The following RSL1D1 variants were observed in gnomAD, a reference collection of about 807,000 sequenced individuals.
RSL1D1 encodes the protein ribosomal L1 domain containing 1.
In RSL1D1, 34 loss-of-function variants were observed where a neutral mutation model predicts 44.6. The ratio of observed to expected loss-of-function variants is 0.76; its 90% CI spans 0.58 to 1.02. RSL1D1 has a LOEUF of 1.02. Ranked by LOEUF, RSL1D1 falls within the 50% of genes least tolerant of loss-of-function variation. The pLI is 0.00. For synonymous variants in RSL1D1, 271 were observed against 207.4 expected (o/e 1.31, Z -2.63); for missense variants, 767 against 568.1 (o/e 1.35, Z -3.56).
At position 11,837,916 on chromosome 16, in the gene RSL1D1, T is replaced by C; in HGVS notation, c.1344A>G (p.Lys448=). The C allele has an allele frequency of 1.2e-6, 2 of 1,614,088 alleles. No individual in the cohort carries two copies. Among genetic ancestry groups the C allele is most frequent in the Non-Finnish European group, 1.7e-6 (2 of 1,180,030 alleles). ...AVKEKSPSLG[K]KDARQTPKKP... is the part of the protein sequence containing the mutation. Reference sequence around the variant, plus strand: ...TTTTTGGAGTCTGTCTCGCATCTTTTTTCCCCAGCGAAGGACTTTTTTCCT... The same window carrying C: ...TTTTTGGAGTCTGTCTCGCATCTTTCTTCCCCAGCGAAGGACTTTTTTCCT... Residue 448 remains lysine, a synonymous_variant, in exon 9 of 9, where the codon AAA becomes AAG. Coordinates refer to ENST00000571133, the MANE Select transcript of RSL1D1 (RefSeq NM_015659.3).
At position 11,837,279 on chromosome 16, in the gene RSL1D1, A is replaced by G. The variant is rs1397478974; in HGVS notation, c.*508T>C. On this transcript the variant is annotated 3_prime_UTR_variant, in exon 9 of 9. Coordinates refer to ENST00000571133, the MANE Select transcript of RSL1D1 (RefSeq NM_015659.3). The stretch of plus-strand genomic sequence containing the variant: ...AGAGAAGCACTCTATTTTTCCCTCT[A>G]TTACATTAGCAAATACACAGAAGGA... The G allele has an allele frequency of 6.5e-6, 1 of 153,378 alleles. No homozygotes were observed. The highest frequency in any genetic ancestry group is 1.5e-5 in the Non-Finnish European group (1 of 68,350). 9.5% of individuals were successfully genotyped at this position (153,378 alleles called of 1,614,324 possible). A position where few individuals can be genotyped will look rare whatever the true frequency, so the allele number is the denominator to read the frequency against.
Position 11,836,363 on chromosome 16 carries a change from C to CCCACATTATCTTTGAAAGCAGTTGAGT in RSL1D1, c.*1397_*1423dup, listed in dbSNP as rs2053718559. 2.0e-5 allele frequency: 3 copies of CCCACATTATCTTTGAAAGCAGTTGAGT among 152,198 alleles called. No homozygotes were observed. The highest frequency in any genetic ancestry group is 4.4e-5 in the Non-Finnish European group (3 of 68,046). 9.4% of individuals were successfully genotyped at this position (152,198 alleles called of 1,614,324 possible). ...CAGATGTAAGCCACTGCATCTAGCA[C>CCCACATTATCTTTGAAAGCAGTTGAGT]CCACATTATCTTTGAAAGCAGTTGA... On this transcript the variant is annotated 3_prime_UTR_variant, in exon 9 of 9. Transcript: ENST00000571133.
At position 11,835,233 on chromosome 16, in the gene RSL1D1, G is replaced by A. The variant is rs1334960314; in HGVS notation, c.*2554C>T. On this transcript the variant is annotated 3_prime_UTR_variant, in exon 9 of 9. Transcript: ENST00000571133. ...GTTTTGCTCTGCCGCCCAGGCTGGA[G>A]TGCAGTGGTGTGATCTCAGCTCACT... The A allele has an allele frequency of 6.6e-6, 1 of 152,088 alleles. No individual in the cohort carries two copies. Among genetic ancestry groups the A allele is most frequent in the Non-Finnish European group, 1.5e-5 (1 of 68,110 alleles). 9.4% of individuals were successfully genotyped at this position (152,088 alleles called of 1,614,324 possible).
intron 5 of RSL1D1, among the ~76,000 whole-genome samples, chr16:11,845,705 T>C (rs970246367): frequency 4.0e-5 from 6 of 151,798 alleles, no homozygotes; most frequent in Non-Finnish European, 8.8e-5. Context: ...CAGACAACAT[T>C]GTTCTAGAGA....
chr16:11,839,588 T>A lies in RSL1D1; in HGVS notation c.1146+107A>T, dbSNP rs567430933. ...ATATGATAACCACCTTCACAGTTCT[T>A]TGGGTTCACTCTAGTATTTTTCATC... On this transcript the variant is annotated intron_variant, in intron 8 of 8. Transcript: ENST00000571133. 30 of 1,473,398 alleles carry A rather than the reference T, an allele frequency of 2.0e-5. No homozygotes were observed. The African/African-American group carries it at 4.1e-4, about 20-fold the overall frequency. 91.3% of individuals were successfully genotyped at this position (1,473,398 alleles called of 1,614,324 possible). A position where few individuals can be genotyped will look rare whatever the true frequency, so the allele number is the denominator to read the frequency against.
chr16:11,841,076 G>A (rs1170805976), intron 7 of RSL1D1, among the ~76,000 whole-genome samples: 2 of 152,004 alleles, frequency 1.3e-5, no homozygotes, highest in Non-Finnish European at 2.9e-5. Flanking sequence ...TCTATGACCG[G>A]AAATATGTGG....
chr16:11,851,137 T>C, intron 1 of RSL1D1: 2 of 516,022 alleles, frequency 3.9e-6, no homozygotes, highest in African/African-American at 1.9e-5. Context: ...GCGCTAATGA[T>C]AGGGAAGCTA....
Position 11,839,887 on chromosome 16 carries a change from T to A in RSL1D1, c.954A>T (p.Lys318Asn). 2 of 1,614,178 alleles carry A rather than the reference T, an allele frequency of 1.2e-6. No individual in the cohort carries two copies. Among genetic ancestry groups the A allele is most frequent in the Non-Finnish European group, 1.7e-6 (2 of 1,180,034 alleles). The change falls in exon 8 of 9, where the codon AAA (lysine) becomes AAT (asparagine). Residue 318 changes from lysine (K) to asparagine (N), a missense_variant. Physicochemically the swap from Lys to Asn is moderately conservative, Grantham distance 94 (BLOSUM62 0). Coordinates refer to ENST00000571133, the MANE Select transcript of RSL1D1 (RefSeq NM_015659.3). ...CACCACTTTCAGGTGCCACATCATCTTTACTAAGAACTGATGCAGTCTTCC... is the reference window on the plus strand; with the variant it reads ...CACCACTTTCAGGTGCCACATCATCATTACTAAGAACTGATGCAGTCTTCC... Reference protein sequence around the residue: ...QARKTASVLSKDDVAPESGDT... With the variant: ...QARKTASVLSNDDVAPESGDT...
At position 11,851,490 on chromosome 16, in the gene RSL1D1, G is replaced by A. The variant is rs766501222; in HGVS notation, c.23C>T (p.Ser8Leu). Residue 8 changes from serine (S) to leucine (L), a missense_variant, in exon 1 of 9, where the codon TCG becomes TTG. Physicochemically the swap from Ser to Leu is moderately radical, Grantham distance 145. Coordinates refer to ENST00000571133, the MANE Select transcript of RSL1D1 (RefSeq NM_015659.3). MEDSASASLSSAAATGTS... is the reference protein window; with the variant it reads MEDSASALLSSAAATGTS... ...TCCAGTAGCGGCTGCAGAAGACAGC[G>A]AGGCCGAGGCCGAATCCTCCATCTT... 3.1e-5 allele frequency: 50 copies of A among 1,613,772 alleles called. No individual in the cohort carries two copies. The African/African-American group carries it at 3.5e-4, about 11-fold the overall frequency.
At chr16:11,850,994 G>A (rs2053833288) in intron 1 of RSL1D1, 2 of 265,000 alleles carry the variant, frequency 7.5e-6, no homozygotes, top group Non-Finnish European at 1.5e-5. Context: ...CCGGCCTACT[G>A]AGCACCTTCT....
chr16:11,840,110 G>A, intron 7 of RSL1D1, 125 bp from the exon 8 acceptor site: 1 of 1,422,056 alleles, frequency 7.0e-7, no homozygotes, highest in East Asian at 2.3e-5. Context: ...TCTATACAGA[G>A]AACAAACTCC....
At position 11,841,652 on chromosome 16, in the gene RSL1D1, A is replaced by G. The variant is rs759429966; in HGVS notation, c.855+43T>C. Reference sequence around the variant, plus strand: ...CTTCTCTCCTAGTGACTGAATTTACACCCTTCATTATTCATTCTGTAAGTA... The same window carrying G: ...CTTCTCTCCTAGTGACTGAATTTACGCCCTTCATTATTCATTCTGTAAGTA... On this transcript the variant is annotated intron_variant, in intron 7 of 8. Transcript: ENST00000571133. 1.9e-5 allele frequency: 30 copies of G among 1,562,048 alleles called. No individual in the cohort carries two copies. In the Admixed American group the frequency reaches 2.9e-4, roughly 15 times the overall value.
Position 11,837,514 on chromosome 16 carries a change from T to G in RSL1D1, c.*273A>C. On this transcript the variant is annotated 3_prime_UTR_variant, in exon 9 of 9. Transcript: ENST00000571133. ...TACAGGTGTCCACCACCATGCCCAA[T>G]TAATTTTTGTATTTTTGGTACAGAC... 1 of 282,180 alleles carries G rather than the reference T, an allele frequency of 3.5e-6. No homozygotes were observed. The allele number at this position is 282,180 out of a possible 1,614,324, so 17.5% of individuals were successfully genotyped here. A position where few individuals can be genotyped will look rare whatever the true frequency, so the allele number is the denominator to read the frequency against.
intron 5 of RSL1D1, among the ~76,000 whole-genome samples, chr16:11,846,209 G>A (rs1005562688): frequency 2.0e-5 from 3 of 151,240 alleles, no homozygotes; most frequent in Admixed American, 6.6e-5. Context: ...TGGCTAACTC[G>A]GTGAAACCCT....
In RSL1D1 at chr16:11,836,237, C is replaced by T. The variant is rs1230410882; in HGVS notation, c.*1550G>A. ...TCCACCATCCCGATGGTCTGCTGGT[C>T]CTACTTCTCTCTCAAACTGTCTTTT... On this transcript the variant is annotated 3_prime_UTR_variant, in exon 9 of 9. Transcript: ENST00000571133. 1.3e-5 allele frequency: 2 copies of T among 152,188 alleles called. No homozygotes were observed. The highest frequency in any genetic ancestry group is 3.9e-4 in the East Asian group (2 of 5,192). The allele number at this position is 152,188 out of a possible 1,614,324, so 9.4% of individuals were successfully genotyped here. A position where few individuals can be genotyped will look rare whatever the true frequency, so the allele number is the denominator to read the frequency against.
chr16:11,843,944 C>A (rs1567419607), intron 5 of RSL1D1, among the ~76,000 whole-genome samples: 1 of 149,092 alleles, frequency 6.7e-6, no homozygotes, highest in Non-Finnish European at 1.5e-5. Context: ...CAGCTACGAG[C>A]AAGACCATCC....
At chr16:11,850,488 C>T (rs2053829629) in intron 1 of RSL1D1, 70 bp from the exon 2 acceptor site, 1 of 1,503,622 alleles carries the variant, frequency 6.7e-7, no homozygotes, top group African/African-American at 1.4e-5. Context: ...ATGAAATGTT[C>T]TCAATCTAAT....
At chr16:11,846,326 C>T (rs748409445) in intron 5 of RSL1D1, among the ~76,000 whole-genome samples, 175 bp downstream of exon 5, 89 of 150,222 alleles carry the variant, frequency 5.9e-4, no homozygotes, top group Admixed American at 4.0e-3. Flanking sequence ...ACCCAGGAGG[C>T]GGAGCTTGCA....
rs1013086454 is a variant in RSL1D1, at chr16:11,835,898, G to C, written c.*1889C>G. On this transcript the variant is annotated 3_prime_UTR_variant, in exon 9 of 9. Transcript: ENST00000571133. The stretch of plus-strand genomic sequence containing the variant: ...AACACCAAGCTCTGTGCTAAAGGGT[G>C]GAAGGCTGCCCTGACGCACCATAAT... The C allele has an allele frequency of 3.3e-5, 5 of 152,148 alleles. No individual in the cohort carries two copies. Among genetic ancestry groups the C allele is most frequent in the Non-Finnish European group, 5.9e-5 (4 of 68,048 alleles). 9.4% of individuals were successfully genotyped at this position (152,148 alleles called of 1,614,324 possible). A position where few individuals can be genotyped will look rare whatever the true frequency, so the allele number is the denominator to read the frequency against.
Sources: gnomAD v4.1 joint callset for allele counts (sites outside exome capture counted in the v4.1 genomes callset) on GRCh38, gnomAD v4.1.1 for gene constraint, MANE v1.5 for transcripts, NCBI Gene and HGNC (gene_info 2026-07-23, HGNC 2026-07-21) for gene names.